The following NPAS3 variants were observed in gnomAD, a reference collection of about 807,000 sequenced individuals.
The protein encoded by NPAS3 is neuronal PAS domain-containing protein 3.
A neutral mutation model predicts 73.1 loss-of-function variants in NPAS3; 14 were observed. The observed-to-expected ratio is 0.19, with a 90% CI of 0.13 to 0.30. The LOEUF (loss-of-function observed/expected upper bound fraction) is 0.30, where lower values mean the gene tolerates loss of function less well. Among genes scored for constraint, NPAS3 ranks in the 10% least tolerant of loss-of-function variants. The pLI is 1.00. For synonymous variants in NPAS3, 620 were observed against 541.5 expected, an observed-to-expected ratio of 1.14 and a Z score of -2.01; for missense variants, 1,096 against 1,250.0, an observed-to-expected ratio of 0.88 and a Z score of 1.86.
At chr14:33,024,978 T>C (rs2039750589) in intron 1 of NPAS3, among the ~76,000 whole-genome samples, 5 of 152,260 alleles carry the variant, frequency 3.3e-5, no homozygotes. Context: ...CTATGCTTTC[T>C]AAACTATTCT....
In NPAS3 at chr14:33,185,118, A is replaced by G. The variant is rs1182056435; in HGVS notation, c.141-30064A>G. Among the ~76,000 whole-genome samples the G allele has an allele frequency of 2.6e-5, 4 of 152,196 alleles. No homozygotes were observed. The East Asian group carries it at 5.8e-4, about 22-fold the overall frequency. ...CTTATTTGGATCATTTAGCCAATCA[A>G]GATTATCCTGCTAGCCTTTTCAGGA... is the stretch of plus-strand genomic sequence containing the variant. On this transcript the variant is annotated intron_variant, in intron 2 of 11. Coordinates refer to ENST00000356141, the Ensembl canonical transcript of NPAS3.
intron 2 of NPAS3, among the ~76,000 whole-genome samples, chr14:33,107,414 C>T (rs2042756375): frequency 6.6e-6 from 1 of 151,986 alleles, no homozygotes; most frequent in South Asian, 2.1e-4. Flanking sequence ...TTCCTGTCTC[C>T]CCTGTCTAGT....
intron 2 of NPAS3, among the ~76,000 whole-genome samples, chr14:33,056,310 T>C (rs1221542073): frequency 6.6e-6 from 1 of 152,214 alleles, no homozygotes; most frequent in Non-Finnish European, 1.5e-5. Flanking sequence ...CAAGAAAATC[T>C]CGGCAAAATA....
intron 9 of NPAS3, among the ~76,000 whole-genome samples, chr14:33,784,444 C>G (rs1262137063): frequency 6.6e-6 from 1 of 152,102 alleles, no homozygotes; most frequent in Non-Finnish European, 1.5e-5. Flanking sequence ...GAGGTGAAAG[C>G]AACTAAGGGG....
At chr14:33,467,314 G>A (rs1282905858) in intron 4 of NPAS3, among the ~76,000 whole-genome samples, 1 of 152,202 alleles carries the variant, frequency 6.6e-6, no homozygotes, top group East Asian at 1.9e-4. Context: ...ATGTGCAGAA[G>A]ATCTTGCTAT....
intron 7 of NPAS3, among the ~76,000 whole-genome samples, chr14:33,751,744 T>C (rs969477063): frequency 1.3e-5 from 2 of 152,230 alleles, no homozygotes; most frequent in African/African-American, 4.8e-5. Flanking sequence ...TTAATTCTGA[T>C]TTTGGTTGAC....
At chr14:33,729,000 C>T (rs72664553) in intron 6 of NPAS3, among the ~76,000 whole-genome samples, 3,512 of 152,170 alleles carry the variant, frequency 0.023, 74 homozygotes, top group African/African-American at 0.049. Context: ...TATTTTGACA[C>T]GTGTAACTGA....
rs55885070 is a variant in NPAS3, at chr14:33,582,970, G to GTTTTTTTTTTTTTTTTTTTTTTT, written c.558+22776_558+22777insTTTTTTTTTTTTTTTTTTTTTTT. 1.9e-4 allele frequency among the ~76,000 whole-genome samples: 18 copies of GTTTTTTTTTTTTTTTTTTTTTTT among 93,288 alleles called. 1 individual carries two copies. Among genetic ancestry groups the GTTTTTTTTTTTTTTTTTTTTTTT allele is most frequent in the African/African-American group, 9.4e-4 (12 of 12,784 alleles). The allele number at this position is 93,288 out of a possible 152,430, so 61.2% of individuals were successfully genotyped here. ...TCCTTTGGACCTAGATATTTAAAGG[G>GTTTTTTTTTTTTTTTTTTTTTTT]TTTTTTTTTTTTTTTTGGCTACTGG... On this transcript the variant is annotated intron_variant, in intron 5 of 11. Coordinates refer to ENST00000356141, the Ensembl canonical transcript of NPAS3.
At chr14:33,612,249 A>G (rs2057773466) in intron 5 of NPAS3, among the ~76,000 whole-genome samples, 1 of 152,218 alleles carries the variant, frequency 6.6e-6, no homozygotes, top group African/African-American at 2.4e-5. Context: ...TTGAATCTGG[A>G]GAACAGTGAT....
intron 5 of NPAS3, among the ~76,000 whole-genome samples, chr14:33,629,107 T>C (rs962341575): frequency 5.9e-5 from 9 of 151,780 alleles, no homozygotes; most frequent in African/African-American, 9.7e-5. Flanking sequence ...TGGTGGTGGG[T>C]GCCTGTAGTC....
chr14:33,466,262 A>G (rs958474561), intron 4 of NPAS3, among the ~76,000 whole-genome samples: 1 of 152,196 alleles, frequency 6.6e-6, no homozygotes, highest in Non-Finnish European at 1.5e-5. Context: ...AACCAGGGTC[A>G]TTCTGCTGGA....
chr14:33,078,432 C>G (rs2041746000), intron 2 of NPAS3, among the ~76,000 whole-genome samples: 2 of 151,814 alleles, frequency 1.3e-5, no homozygotes, highest in Non-Finnish European at 2.9e-5. Context: ...GATTCCTCCC[C>G]TGGAGAGGTG....
In NPAS3 at chr14:33,215,362, T is replaced by C. The variant is rs772043834; in HGVS notation, c.321T>C (p.Ala107=). The change falls in exon 3 of 12, where the codon GCT becomes GCC. Residue 107 remains alanine (A), a synonymous_variant. Transcript: ENST00000356141. ...GCTATCTGAAAATGAGGGACTTTGCTAACCAGGGGGACCCTCCGTGGAACT... is the reference window on the plus strand; with the variant it reads ...GCTATCTGAAAATGAGGGACTTTGCCAACCAGGGGGACCCTCCGTGGAACT... The C allele has an allele frequency of 6.3e-5, 102 of 1,612,606 alleles. 4 individuals carry two copies. In the South Asian group the frequency reaches 9.4e-4, roughly 15 times the overall value.
At chr14:33,063,870 A>G (rs1030062609) in intron 2 of NPAS3, among the ~76,000 whole-genome samples, 12 of 152,242 alleles carry the variant, frequency 7.9e-5, no homozygotes, top group Non-Finnish European at 1.5e-4. Context: ...TAGAACTGTT[A>G]ACCTCGCAGA....
At chr14:33,394,991 T>C (rs2133892) in intron 4 of NPAS3, among the ~76,000 whole-genome samples, 28,785 of 152,088 alleles carry the variant, frequency 0.19, 2,990 homozygotes, top group Admixed American at 0.27. Flanking sequence ...AAACCATTAG[T>C]AAATTCTACA....
At chr14:33,304,394 A>G (rs1351114026) in intron 3 of NPAS3, among the ~76,000 whole-genome samples, 1 of 152,090 alleles carries the variant, frequency 6.6e-6, no homozygotes, top group African/African-American at 2.4e-5. Flanking sequence ...ACTCATAGAA[A>G]GTTGGTCCTC....
intron 1 of NPAS3, among the ~76,000 whole-genome samples, chr14:33,033,923 A>G (rs1341244940): frequency 6.6e-6 from 1 of 152,236 alleles, no homozygotes; most frequent in African/African-American, 2.4e-5. Flanking sequence ...ACACAACTAC[A>G]TTTATTTAAT....
At chr14:33,544,490 A>G (rs1458721330) in intron 4 of NPAS3, among the ~76,000 whole-genome samples, 4 of 151,986 alleles carry the variant, frequency 2.6e-5, no homozygotes, top group Non-Finnish European at 5.9e-5. Context: ...TTGTGGTCTT[A>G]TCAGAAGACG....
chr14:32,936,046 A>G (rs2035685642), upstream of NPAS3, among the ~76,000 whole-genome samples: 1 of 152,248 alleles, frequency 6.6e-6, no homozygotes, highest in Non-Finnish European at 1.5e-5. Context: ...AATATACACA[A>G]TGCATAATTC....
Sources: gnomAD v4.1 joint callset for allele counts (sites outside exome capture counted in the v4.1 genomes callset) on GRCh38, gnomAD v4.1.1 for gene constraint, MANE v1.5 for transcripts, NCBI Gene and HGNC (gene_info 2026-07-23, HGNC 2026-07-21) for gene names.